FAM81A: variants seen among roughly 807,000 people sequenced by gnomAD.
FAM81A encodes the protein protein FAM81A.
Under a neutral mutation model 46.7 loss-of-function variants are expected in FAM81A, and 19 were observed. That is an observed-to-expected ratio of 0.41 (90% CI 0.28 to 0.60). The LOEUF is 0.60. Ranked by LOEUF, FAM81A falls within the 20% of genes least tolerant of loss-of-function variation. The probability of loss-of-function intolerance (pLI) is 0.34; values close to 1 mark genes in which losing one functional copy is unlikely to be tolerated. For missense variants in FAM81A, 377 were observed against 453.5 expected, an observed-to-expected ratio of 0.83 and a Z score of 1.53; for synonymous variants, 183 against 152.9, an observed-to-expected ratio of 1.20 and a Z score of -1.45.
intron 4 of FAM81A, among the ~76,000 whole-genome samples, chr15:59,502,812 C>A (rs917840650): frequency 6.6e-6 from 1 of 152,018 alleles, no homozygotes; most frequent in Non-Finnish European, 1.5e-5. Flanking sequence ...TGAGCCACCG[C>A]GCCAGCCGTG....
chr15:59,495,783 T>C (rs1394909214), intron 4 of FAM81A, among the ~76,000 whole-genome samples: 2 of 152,246 alleles, frequency 1.3e-5, no homozygotes, highest in Admixed American at 6.5e-5. Context: ...TTGAACATCA[T>C]TTAATGTGCT....
intron 4 of FAM81A, among the ~76,000 whole-genome samples, chr15:59,506,617 C>G (rs77797921): frequency 6.6e-6 from 1 of 152,140 alleles, no homozygotes; most frequent in Non-Finnish European, 1.5e-5. Flanking sequence ...TTCTGTGACT[C>G]TCCTATTAGG....
intron 5 of FAM81A, among the ~76,000 whole-genome samples, chr15:59,508,264 G>C (rs1165500318): frequency 6.6e-6 from 1 of 152,104 alleles, no homozygotes; most frequent in Non-Finnish European, 1.5e-5. Flanking sequence ...TCTTTCTTCT[G>C]GATCTGACAA....
chr15:59,461,778 T>C (rs760790641), intron 3 of FAM81A, among the ~76,000 whole-genome samples: 1 of 152,262 alleles, frequency 6.6e-6, no homozygotes, highest in Non-Finnish European at 1.5e-5. Context: ...TTCCAGTTCT[T>C]AGCTTTTATG....
chr15:59,474,211 T>G (rs1276133274), intron 3 of FAM81A, among the ~76,000 whole-genome samples: 1 of 152,240 alleles, frequency 6.6e-6, no homozygotes, highest in Admixed American at 6.5e-5. Context: ...CTTCCTCATC[T>G]TTGCATTGTC....
At chr15:59,436,257 G>GT (rs1414847934), upstream of FAM81A, among the ~76,000 whole-genome samples, 1 of 152,076 alleles carries the variant, frequency 6.6e-6, no homozygotes, top group Non-Finnish European at 1.5e-5. Context: ...AAAAATCAAA[G>GT]TTCAGTTTTG....
At chr15:59,507,701 G>T (rs766439933) in intron 5 of FAM81A, among the ~76,000 whole-genome samples, 1 of 152,138 alleles carries the variant, frequency 6.6e-6, no homozygotes, top group Admixed American at 6.5e-5. Context: ...TTTGATTCAG[G>T]AAATAATGTA....
At chr15:59,495,015 C>CCT (rs1204609857) in intron 4 of FAM81A, among the ~76,000 whole-genome samples, 1 of 151,720 alleles carries the variant, frequency 6.6e-6, no homozygotes, top group African/African-American at 2.4e-5. Context: ...CTTTCTCTCT[C>CCT]CTCTCTCTCT....
At chr15:59,402,075 G>C in intron 1 of FAM81A, 1 of 519,010 alleles carries the variant, frequency 1.9e-6, no homozygotes, top group Non-Finnish European at 3.4e-6. Context: ...GGGTCTTAGA[G>C]ACCCATGAGC....
chr15:59,481,664 A>G (rs1486293912), intron 3 of FAM81A, among the ~76,000 whole-genome samples: 1 of 152,046 alleles, frequency 6.6e-6, no homozygotes, highest in Admixed American at 6.5e-5. Flanking sequence ...AATACTTGAC[A>G]TGTGTATCAC....
intron 6 of FAM81A, among the ~76,000 whole-genome samples, chr15:59,509,968 G>C (rs1396932940): frequency 6.6e-6 from 1 of 152,122 alleles, no homozygotes; most frequent in Non-Finnish European, 1.5e-5. Context: ...TGCCTAATGA[G>C]AATCTTATGA....
At chr15:59,435,212 G>C (rs995077903), upstream of FAM81A, among the ~76,000 whole-genome samples, 3 of 150,838 alleles carry the variant, frequency 2.0e-5, no homozygotes, top group African/African-American at 7.3e-5. Flanking sequence ...GCTTGAACCC[G>C]GGAGGCAGAG....
chr15:59,472,890 G>A (rs944540583), intron 3 of FAM81A, among the ~76,000 whole-genome samples: 1 of 152,108 alleles, frequency 6.6e-6, no homozygotes, highest in Admixed American at 6.5e-5. Flanking sequence ...TTGGATGCTG[G>A]TATCTATATT....
rs1370469599 is a variant in FAM81A at position 59,454,179 on chromosome 15, A to C, written c.-77-4371A>C. 2.0e-5 allele frequency among the ~76,000 whole-genome samples: 3 copies of C among 152,216 alleles called. No homozygotes were observed. In the South Asian group the frequency reaches 6.2e-4, roughly 31 times the overall value. ...AGGAAATAGGGTTTTTTGTTTTACC[A>C]TCATATTACAACCACTTTATTCATA... On this transcript the variant is annotated intron_variant, in intron 1 of 8. Transcript: ENST00000288228.
intron 3 of FAM81A, among the ~76,000 whole-genome samples, chr15:59,486,569 A>G (rs1428467280): frequency 6.6e-6 from 1 of 152,216 alleles, no homozygotes; most frequent in Non-Finnish European, 1.5e-5. Context: ...TAGAACACCA[A>G]GTAGATTTAA....
intron 2 of FAM81A, among the ~76,000 whole-genome samples, chr15:59,431,487 C>A (rs971084008): frequency 6.6e-6 from 1 of 151,894 alleles, no homozygotes; most frequent in African/African-American, 2.4e-5. Context: ...CCTGCCTTGG[C>A]CTCCCACAGT....
rs575104434 is a variant in FAM81A at position 59,431,524 on chromosome 15, C to A, written c.-77-27026C>A. On this transcript the variant is annotated intron_variant, in intron 2 of 4. Transcript: ENST00000558348. ...CTGGGATTACAGGCGTGAGCCACTGCAACCAGCCTTTTTTTTTTTTTTTTT... is the reference window on the plus strand; with the variant it reads ...CTGGGATTACAGGCGTGAGCCACTGAAACCAGCCTTTTTTTTTTTTTTTTT... Among the ~76,000 whole-genome samples the A allele has an allele frequency of 2.1e-4, 32 of 150,124 alleles. 1 individual carries two copies. In the East Asian group the frequency reaches 6.0e-3, roughly 28 times the overall value.
intron 2 of FAM81A, among the ~76,000 whole-genome samples, chr15:59,403,005 G>A (rs1274523606): frequency 6.6e-6 from 1 of 151,996 alleles, no homozygotes; most frequent in Non-Finnish European, 1.5e-5. Context: ...TTTCTAGTGG[G>A]TTATTGCCGA....
chr15:59,430,860 A>C (rs1311351951), intron 2 of FAM81A, among the ~76,000 whole-genome samples: 3 of 152,336 alleles, frequency 2.0e-5, no homozygotes, highest in Non-Finnish European at 4.4e-5. Context: ...GTAATATTAT[A>C]TGGAATGAGT....
Sources: allele counts gnomAD v4.1 joint callset (sites outside exome capture counted in the v4.1 genomes callset), GRCh38; gene constraint gnomAD v4.1.1; transcripts MANE v1.5; gene names NCBI Gene and HGNC (gene_info 2026-07-23, HGNC 2026-07-21).